The following EXO1 variants were observed in gnomAD, a reference collection of about 807,000 sequenced individuals.
EXO1 encodes exonuclease 1.
In EXO1, 69 loss-of-function variants were observed where a neutral mutation model predicts 84.5. The ratio of observed to expected loss-of-function variants is 0.82; its 90% CI spans 0.67 to 1.00. The LOEUF (loss-of-function observed/expected upper bound fraction) is 1.00. EXO1 is among the 50% of genes least tolerant of loss of function. The probability of loss-of-function intolerance (pLI) is 0.00; values close to 1 mark genes in which losing one functional copy is unlikely to be tolerated. For missense variants in EXO1, 1,045 were observed against 1,000.7 expected, an observed-to-expected ratio of 1.04 and a Z score of -0.60; for synonymous variants, 373 against 366.1, an observed-to-expected ratio of 1.02 and a Z score of -0.21.
At chr1:241,850,689 T>C in intron 4 of EXO1, 103 bp downstream of exon 4, 1 of 931,276 alleles carries the variant, frequency 1.1e-6, no homozygotes, top group Non-Finnish European at 1.7e-6. Context: ...ATGCCAGAAC[T>C]TATCAGGAAG....
intron 13 of EXO1, among the ~76,000 whole-genome samples, chr1:241,881,056 T>C (rs1260939368): frequency 6.6e-6 from 1 of 152,136 alleles, no homozygotes; most frequent in Admixed American, 6.6e-5. Context: ...GTTTTTTAAG[T>C]CTGCTCTGTT....
Position 241,889,816 on chromosome 1 carries a change from A to G in EXO1, c.*216A>G. The G allele has an allele frequency of 1.8e-6, 1 of 547,936 alleles. No homozygotes were observed. The highest frequency in any genetic ancestry group is 3.2e-6 in the Non-Finnish European group (1 of 308,646). 33.9% of individuals were successfully genotyped at this position (547,936 alleles called of 1,614,324 possible). On this transcript the variant is annotated 3_prime_UTR_variant, in exon 16 of 16. Transcript: ENST00000366548. ...AGAAGCTAAATAGAAGAATAATTGT[A>G]TCTCTGACAGGTTTTTGGAGGTTTT...
At chr1:241,883,945 C>T (rs1662907869) in intron 14 of EXO1, among the ~76,000 whole-genome samples, 1 of 152,146 alleles carries the variant, frequency 6.6e-6, no homozygotes, top group Admixed American at 6.5e-5. Context: ...TTTGCATTGT[C>T]AGGGATTTAA....
At chr1:241,858,828 T>C (rs2526699) in intron 8 of EXO1, 110 bp downstream of exon 8, 489,855 of 807,780 alleles carry the variant, frequency 0.61, 152,181 homozygotes, top group African/African-American at 0.81. Flanking sequence ...ACCTATATTA[T>C]ATTATTAAAA....
Position 241,857,393 on chromosome 1 carries a change from G to A in EXO1, c.454G>A (p.Asp152Asn). 2 of 1,613,956 alleles carry A rather than the reference G, an allele frequency of 1.2e-6. No individual in the cohort carries two copies. Among genetic ancestry groups the A allele is most frequent in the Non-Finnish European group, 8.5e-7 (1 of 1,179,910 alleles). ...TTGCCTCGTGGCTCCCTATGAAGCT[G>A]ATGCGCAGTTGGCCTATCTTAACAA... is the stretch of plus-strand genomic sequence containing the variant. ...VDCLVAPYEA[D>N]AQLAYLNKAG... is the part of the protein sequence containing the mutation. The change falls in exon 7 of 16, where the codon GAT becomes AAT. Residue 152 changes from aspartate (D) to asparagine (N), a missense_variant. Coordinates refer to ENST00000366548, the MANE Select transcript of EXO1 (RefSeq NM_130398.4).
chr1:241,851,868 T>C (rs929407206), intron 4 of EXO1, among the ~76,000 whole-genome samples: 1 of 152,242 alleles, frequency 6.6e-6, no homozygotes, highest in Non-Finnish European at 1.5e-5. Context: ...GATAATATTA[T>C]GTTACTATTA....
chr1:241,886,429 A>AT (rs1663074318), intron 15 of EXO1, among the ~76,000 whole-genome samples: 1 of 150,166 alleles, frequency 6.7e-6, no homozygotes, highest in East Asian at 1.9e-4. Flanking sequence ...GCTGTTTAAT[A>AT]AAAGTTTTTT....
At chr1:241,863,909 G>C (rs372907158) in intron 10 of EXO1, among the ~76,000 whole-genome samples, 2 of 152,190 alleles carry the variant, frequency 1.3e-5, no homozygotes, top group South Asian at 4.1e-4. Flanking sequence ...AGGAAATTCT[G>C]CTGAATTCTT....
chr1:241,888,737 C>A (rs1421193586), intron 15 of EXO1, among the ~76,000 whole-genome samples: 1 of 152,076 alleles, frequency 6.6e-6, no homozygotes, highest in Non-Finnish European at 1.5e-5. Context: ...AGATAGCTTC[C>A]TTCCAGAAAA....
intron 15 of EXO1, among the ~76,000 whole-genome samples, chr1:241,886,318 A>T (rs547298690): frequency 6.6e-6 from 1 of 152,330 alleles, no homozygotes; most frequent in East Asian, 1.9e-4. Flanking sequence ...TATATAGTTA[A>T]ATTTTTGTTA....
chr1:241,852,349 T>G lies in EXO1; in HGVS notation c.219T>G (p.Pro73=). 1 of 1,586,786 alleles carries G rather than the reference T, an allele frequency of 6.3e-7. No homozygotes were observed. The highest frequency in any genetic ancestry group is 8.7e-7 in the Non-Finnish European group (1 of 1,155,526). Residue 73 remains proline, a synonymous_variant, in exon 5 of 16, where the codon CCT becomes CCG. Transcript: ENST00000366548. ...TGTTACTATCTCATGGGATCAAGCCTATTCTCGTATTTGATGGATGTACTT... is the reference window on the plus strand; with the variant it reads ...TGTTACTATCTCATGGGATCAAGCCGATTCTCGTATTTGATGGATGTACTT... The part of the protein sequence containing the change: ...VNMLLSHGIK[P]ILVFDGCTLP...
chr1:241,875,809 C>T (rs1031424535), intron 12 of EXO1, among the ~76,000 whole-genome samples: 6 of 152,118 alleles, frequency 3.9e-5, no homozygotes, highest in Admixed American at 6.5e-5. Context: ...ACCCGGGAGG[C>T]GGAGGTTGCA....
Position 241,858,552 on chromosome 1 carries a change from A to C in EXO1, c.590A>C (p.Gln197Pro). 1.2e-6 allele frequency: 2 copies of C among 1,614,150 alleles called. No homozygotes were observed. Among genetic ancestry groups the C allele is most frequent in the Non-Finnish European group, 1.7e-6 (2 of 1,179,978 alleles). The change falls in exon 8 of 16, where the codon CAA becomes CCA. Residue 197 changes from glutamine to proline, a missense_variant. Transcript: ENST00000366548. ...DQFGNGLEID[Q>P]ARLGMCRQLG... ...TTTGGAAATGGACTTGAAATTGATC[A>C]AGCTCGGCTAGGAATGTGCAGACAG...
At chr1:241,865,378 A>T (rs1661656417) in intron 10 of EXO1, among the ~76,000 whole-genome samples, 1 of 151,802 alleles carries the variant, frequency 6.6e-6, no homozygotes, top group Non-Finnish European at 1.5e-5. Flanking sequence ...CGCCCGGCTG[A>T]TTTTTGTATT....
rs1459436543 is a variant in EXO1, at chr1:241,878,865, A to G, written c.1631A>G (p.Asp544Gly). The change falls in exon 13 of 16, where the codon GAC becomes GGC. Residue 544 changes from aspartate (D) to glycine (G), a missense_variant. By Grantham distance (94) the Asp-to-Gly change is moderately conservative. Coordinates refer to ENST00000366548, the MANE Select transcript of EXO1 (RefSeq NM_130398.4). ...ENNLHESEYG[D>G]QEGKRLVDTD... ...AATCTGCATGAATCAGAGTATGGAG[A>G]CCAAGAAGGCAAGAGACTGGTTGAC... 6.2e-7 allele frequency: 1 copy of G among 1,614,100 alleles called. No individual in the cohort carries two copies. The highest frequency in any genetic ancestry group is 8.5e-7 in the Non-Finnish European group (1 of 1,179,964).
chr1:241,870,151 G>A (rs924624333), intron 11 of EXO1, among the ~76,000 whole-genome samples: 8 of 152,058 alleles, frequency 5.3e-5, no homozygotes, highest in African/African-American at 1.4e-4. Flanking sequence ...ATCAAGACAC[G>A]CTGTCCATTT....
rs750004439 is a variant in EXO1, at chr1:241,879,206, G to T, written c.1972G>T (p.Glu658Ter). Residue 658 changes from glutamate to a stop codon, truncating the protein, a stop_gained, in exon 13 of 16, where the codon GAG (glutamate) becomes TAG (stop). Transcript: ENST00000366548. LOFTEE classifies it high-confidence loss of function. ...MSDVSQLKSEESSDDESHPLR... is the reference protein window; with the variant it reads ...MSDVSQLKSE ...TGATGTGTCGCAGTTAAAGAGCGAGGAGTCCAGTGACGATGAGTCTCATCC... is the reference window on the plus strand; with the variant it reads ...TGATGTGTCGCAGTTAAAGAGCGAGTAGTCCAGTGACGATGAGTCTCATCC... 1 of 1,601,696 alleles carries T rather than the reference G, an allele frequency of 6.2e-7. No homozygotes were observed. Among genetic ancestry groups the T allele is most frequent in the South Asian group, 1.1e-5 (1 of 90,266 alleles).
intron 15 of EXO1, among the ~76,000 whole-genome samples, chr1:241,885,857 TGTTTTTTG>T (rs765839979): frequency 0.01 from 1,375 of 136,460 alleles, 51 homozygotes; most frequent in African/African-American, 0.032. Flanking sequence ...TTTTGTTTTT[TGTTTTTTG>T]TTTTTTTGAG....
intron 12 of EXO1, among the ~76,000 whole-genome samples, chr1:241,875,719 G>A (rs575794774): frequency 2.7e-3 from 407 of 152,084 alleles, no homozygotes; most frequent in African/African-American, 8.5e-3. Context: ...TCTACTAAAA[G>A]TACAAAAAAT....
Sources: allele counts gnomAD v4.1 joint callset (sites outside exome capture counted in the v4.1 genomes callset), GRCh38; gene constraint gnomAD v4.1.1; transcripts MANE v1.5; gene names NCBI Gene and HGNC (gene_info 2026-07-23, HGNC 2026-07-21).